Variants in PACRG observed in about 807,000 individuals in gnomAD.
PACRG encodes parkin coregulated, also known as parkin coregulated gene protein.
In PACRG, 29 loss-of-function variants were observed where a neutral mutation model predicts 29.7. That is an observed-to-expected ratio of 0.98 (90% CI 0.73 to 1.33). The LOEUF (loss-of-function observed/expected upper bound fraction) is 1.33, where lower values mean the gene tolerates loss of function less well. Ranked by LOEUF, PACRG falls within the 40% of genes most tolerant of loss-of-function variation. The pLI, the probability that PACRG is intolerant of heterozygous loss-of-function variation, is 0.00. For synonymous variants in PACRG, 116 were observed against 118.7 expected (o/e 0.98, Z 0.15); for missense variants, 279 against 316.2 (o/e 0.88, Z 0.89).
At chr6:163,209,738 G>A (rs895578455) in intron 4 of PACRG, among the ~76,000 whole-genome samples, 6 of 152,188 alleles carry the variant, frequency 3.9e-5, no homozygotes, top group Admixed American at 1.3e-4. Context: ...TGTAAAGCAT[G>A]TGACACAAAG....
chr6:163,052,369 A>G (rs1248082764), intron 2 of PACRG, among the ~76,000 whole-genome samples: 1 of 152,226 alleles, frequency 6.6e-6, no homozygotes, highest in Non-Finnish European at 1.5e-5. Flanking sequence ...GATATTTTCA[A>G]TGAAATTTTA....
At chr6:163,034,507 T>A (rs1020885244) in intron 2 of PACRG, among the ~76,000 whole-genome samples, 6 of 152,092 alleles carry the variant, frequency 3.9e-5, no homozygotes, top group Admixed American at 6.5e-5. Context: ...TCCGTGCCTT[T>A]TATGAAGAGG....
At chr6:162,977,854 A>T (rs1017438129) in intron 2 of PACRG, among the ~76,000 whole-genome samples, 1 of 152,166 alleles carries the variant, frequency 6.6e-6, no homozygotes, top group Non-Finnish European at 1.5e-5. Context: ...ATGTATAAAG[A>T]TGTTTATGGC....
chr6:162,836,934 T>A (rs1392116000), intron 2 of PACRG, among the ~76,000 whole-genome samples: 3 of 152,198 alleles, frequency 2.0e-5, no homozygotes, highest in African/African-American at 7.2e-5. Context: ...AGGTCTGCTA[T>A]ATCCAGTCCT....
chr6:163,196,772 GAGAC>G (rs976396965), intron 4 of PACRG, among the ~76,000 whole-genome samples: 28 of 152,136 alleles, frequency 1.8e-4, no homozygotes, highest in South Asian at 6.2e-4. Context: ...AAAGACTAGA[GAGAC>G]AGACAGACAG....
chr6:162,794,761 T>C (rs975666407), intron 1 of PACRG, among the ~76,000 whole-genome samples: 2 of 152,190 alleles, frequency 1.3e-5, no homozygotes, highest in African/African-American at 4.8e-5. Context: ...AAGAAATATT[T>C]ATTGAACACC....
chr6:162,789,312 A>G (rs1370945426), intron 1 of PACRG, among the ~76,000 whole-genome samples: 1 of 152,332 alleles, frequency 6.6e-6, no homozygotes, highest in Admixed American at 6.5e-5. Context: ...TAATATTTCT[A>G]TCAAACAGTT....
At chr6:162,768,563 C>G (rs925507018) in intron 1 of PACRG, among the ~76,000 whole-genome samples, 2 of 152,012 alleles carry the variant, frequency 1.3e-5, no homozygotes, top group Middle Eastern at 3.2e-3. Context: ...AACTGTTAGG[C>G]TTTCTCATTC....
At chr6:162,750,042 C>A (rs1781401153) in intron 1 of PACRG, among the ~76,000 whole-genome samples, 2 of 152,040 alleles carry the variant, frequency 1.3e-5, no homozygotes, top group Non-Finnish European at 2.9e-5. Flanking sequence ...TGTTGATTAC[C>A]CAATGTGTAC....
intron 4 of PACRG, among the ~76,000 whole-genome samples, chr6:163,105,451 A>C (rs1167780860): frequency 6.6e-6 from 1 of 152,188 alleles, no homozygotes; most frequent in Non-Finnish European, 1.5e-5. Context: ...TGCAGTTAAT[A>C]TTATCAGCAC....
chr6:162,832,169 A>G (rs118066056), intron 2 of PACRG, among the ~76,000 whole-genome samples: 9 of 152,108 alleles, frequency 5.9e-5, no homozygotes, highest in Non-Finnish European at 1.0e-4. Flanking sequence ...TCCAGAATCT[A>G]TTGCTTCTTG....
chr6:163,184,924 G>A (rs1268450732), intron 4 of PACRG: 1 of 152,284 alleles, frequency 6.6e-6, no homozygotes, highest in South Asian at 2.1e-4. Context: ...GAGACCTGGT[G>A]GGCAAATGGA....
intron 2 of PACRG, among the ~76,000 whole-genome samples, chr6:162,941,997 C>A (rs561851853): frequency 2.2e-4 from 33 of 152,308 alleles, no homozygotes; most frequent in Admixed American, 3.3e-4. Flanking sequence ...AAATCCCAAG[C>A]TGCTATTCTT....
chr6:163,238,053 G>T (rs1782320696), intron 4 of PACRG, among the ~76,000 whole-genome samples: 1 of 152,132 alleles, frequency 6.6e-6, no homozygotes, highest in Non-Finnish European at 1.5e-5. Context: ...GCCCCACTGT[G>T]GAAGGGAGTG....
chr6:163,208,479 T>A (rs1781002421), intron 4 of PACRG, among the ~76,000 whole-genome samples: 1 of 152,136 alleles, frequency 6.6e-6, no homozygotes, highest in South Asian at 2.1e-4. Flanking sequence ...TATTAATAAA[T>A]CAATTCTGTG....
In PACRG at chr6:163,004,728, A is replaced by ATATATATATG. The variant is rs1562822866; in HGVS notation, c.292-57413_292-57412insGTATATATAT. Among the ~76,000 whole-genome samples the ATATATATATG allele has an allele frequency of 8.5e-4, 64 of 75,720 alleles. No homozygotes were observed. The East Asian group carries it at 0.036, about 42-fold the overall frequency. 49.7% of individuals were successfully genotyped at this position (75,720 alleles called of 152,430 possible). ...TGTGTGTGTGTGTGTGTGTGTGTGT[A>ATATATATATG]TATATATATACACACACACACACAC... is the stretch of plus-strand genomic sequence containing the variant. On this transcript the variant is annotated intron_variant, in intron 2 of 4. Transcript: ENST00000366888.
chr6:162,953,373 A>G (rs1264490327), intron 2 of PACRG, among the ~76,000 whole-genome samples: 5 of 152,236 alleles, frequency 3.3e-5, no homozygotes, highest in Non-Finnish European at 5.9e-5. Context: ...AATGACATAG[A>G]AAACTTCTTT....
chr6:162,776,917 G>T (rs915219857), intron 1 of PACRG, among the ~76,000 whole-genome samples: 1 of 152,094 alleles, frequency 6.6e-6, no homozygotes, highest in Non-Finnish European at 1.5e-5. Context: ...AGAATGATAC[G>T]TTGGACTTTG....
intron 4 of PACRG, among the ~76,000 whole-genome samples, chr6:163,285,213 A>C: frequency 1.3e-5 from 2 of 150,148 alleles, no homozygotes; most frequent in African/African-American, 4.9e-5. Flanking sequence ...CACCGGACTC[A>C]TCTCTGCTTC....
Sources: allele counts gnomAD v4.1 joint callset (sites outside exome capture counted in the v4.1 genomes callset), GRCh38; gene constraint gnomAD v4.1.1; transcripts MANE v1.5; gene names NCBI Gene and HGNC (gene_info 2026-07-23, HGNC 2026-07-21).